The following KLF8 variants were observed in gnomAD, a reference collection of about 807,000 sequenced individuals.
KLF8 encodes the protein KLF transcription factor 8.
KLF8 carries 10 observed loss-of-function variants against 18.2 expected under a neutral mutation model. The ratio of observed to expected loss-of-function variants is 0.55; its 90% CI spans 0.34 to 0.93. The LOEUF (loss-of-function observed/expected upper bound fraction) is 0.93, where lower values mean the gene tolerates loss of function less well. KLF8 is among the 40% of genes least tolerant of loss of function. The pLI, the probability that KLF8 is intolerant of heterozygous loss-of-function variation, is 0.02. For missense variants in KLF8, 264 were observed against 277.9 expected, an observed-to-expected ratio of 0.95 and a Z score of 0.36; for synonymous variants, 109 against 97.3, an observed-to-expected ratio of 1.12 and a Z score of -0.71.
At chrX:55,954,887 T>A in the KLF8 span, among the ~76,000 whole-genome samples, 1 of 111,300 alleles carries the variant, frequency 9.0e-6, no homozygotes, top group Non-Finnish European at 1.9e-5. Context: ...TTATGCTAAG[T>A]GAAAGAAGCT....
intron 5 of KLF8, among the ~76,000 whole-genome samples, chrX:56,275,759 T>A (rs183835588): frequency 9.7e-4 from 109 of 112,599 alleles, no homozygotes; most frequent in African/African-American, 3.4e-3. Flanking sequence ...GACCAAATGG[T>A]TTTTATCTTT....
the KLF8 span, among the ~76,000 whole-genome samples, chrX:56,150,691 T>A: frequency 2.7e-5 from 3 of 110,667 alleles, no homozygotes; most frequent in Non-Finnish European, 5.7e-5. Flanking sequence ...CTCCTATCCC[T>A]GGGCTACTCT....
chrX:56,026,665 T>A, the KLF8 span, among the ~76,000 whole-genome samples: 1 of 112,007 alleles, frequency 8.9e-6, no homozygotes, highest in South Asian at 3.8e-4. Context: ...ACCTTTGCTG[T>A]CTTCTGTACT....
At chrX:55,953,213 C>T in the KLF8 span, among the ~76,000 whole-genome samples, 1 of 111,207 alleles carries the variant, frequency 9.0e-6, no homozygotes, top group African/African-American at 3.3e-5. Context: ...GCAAAGTATT[C>T]AGAGAAACAA....
chrX:56,210,282 G>A, the KLF8 span, among the ~76,000 whole-genome samples: 3 of 110,944 alleles, frequency 2.7e-5, no homozygotes, highest in African/African-American at 6.5e-5. Context: ...TTTTTTCTTC[G>A]TGTCTGAAAG....
intron 2 of KLF8, among the ~76,000 whole-genome samples, chrX:56,252,555 A>G (rs1021439433): frequency 3.6e-5 from 4 of 112,289 alleles, no homozygotes; most frequent in South Asian, 7.4e-4. Flanking sequence ...ACAGGATCTC[A>G]TTCTTTTTAT....
the KLF8 span, among the ~76,000 whole-genome samples, chrX:56,179,057 C>A: frequency 8.9e-6 from 1 of 111,961 alleles, no homozygotes; most frequent in South Asian, 3.8e-4. Flanking sequence ...GGCATTGAAT[C>A]TATAAATTAC....
At chrX:56,050,160 T>G in the KLF8 span, among the ~76,000 whole-genome samples, 1 of 110,840 alleles carries the variant, frequency 9.0e-6, no homozygotes, top group African/African-American at 3.3e-5. Flanking sequence ...TTCTCTCTTT[T>G]CTTCTTTATT....
chrX:56,229,658 T>A (rs1424848774), upstream of KLF8, among the ~76,000 whole-genome samples: 1 of 111,871 alleles, frequency 8.9e-6, no homozygotes, highest in Non-Finnish European at 1.9e-5. Context: ...GGTTTCATAG[T>A]TCCCTGTGAA....
At chrX:55,995,853 G>A in the KLF8 span, among the ~76,000 whole-genome samples, 1 of 110,978 alleles carries the variant, frequency 9.0e-6, no homozygotes, top group Non-Finnish European at 1.9e-5. Flanking sequence ...ATGACTATGA[G>A]TCTTGATGAT....
chrX:55,943,819 G>A, the KLF8 span, among the ~76,000 whole-genome samples: 1 of 112,212 alleles, frequency 8.9e-6, no homozygotes, highest in Non-Finnish European at 1.9e-5. Context: ...GAGAACTCAG[G>A]TGATCTCTGG....
At chrX:55,934,720 G>A in the KLF8 span, among the ~76,000 whole-genome samples, 6 of 112,137 alleles carry the variant, frequency 5.4e-5, no homozygotes, top group East Asian at 2.8e-4. Flanking sequence ...AATGTTATTC[G>A]TGCAAGGGAT....
chrX:56,281,569 C>T lies in KLF8; in HGVS notation c.899-2744C>T, dbSNP rs925687925. On this transcript the variant is annotated intron_variant, in intron 5 of 5. Transcript: ENST00000468660. ...GACTACAGGTGTGCACCATCACACC[C>T]GGCTAATTTTTGTGTTTTTAGTAGA... 5.4e-5 allele frequency among the ~76,000 whole-genome samples: 6 copies of T among 110,825 alleles called. No individual in the cohort carries two copies. In the East Asian group the frequency reaches 8.5e-4, roughly 16 times the overall value.
At chrX:56,173,104 T>C in the KLF8 span, among the ~76,000 whole-genome samples, 6 of 112,005 alleles carry the variant, frequency 5.4e-5, 1 homozygote, top group African/African-American at 1.9e-4. Flanking sequence ...TTGAGTTTAA[T>C]TAGATCCCAT....
At chrX:56,173,991 T>G in the KLF8 span, among the ~76,000 whole-genome samples, 1 of 112,087 alleles carries the variant, frequency 8.9e-6, no homozygotes, top group African/African-American at 3.2e-5. Context: ...TAAGGAGATT[T>G]TGGGCTGAGA....
the KLF8 span, among the ~76,000 whole-genome samples, chrX:56,024,626 A>C: frequency 8.9e-6 from 1 of 112,002 alleles, no homozygotes; most frequent in Non-Finnish European, 1.9e-5. Context: ...TTTTACGTGA[A>C]AGGGCCATGA....
At chrX:55,959,055 A>C in the KLF8 span, among the ~76,000 whole-genome samples, 1 of 112,227 alleles carries the variant, frequency 8.9e-6, no homozygotes, top group Non-Finnish European at 1.9e-5. Flanking sequence ...CCCTGGCCCC[A>C]CCAGTGCAGC....
chrX:56,203,618 G>T, the KLF8 span, among the ~76,000 whole-genome samples: 2 of 112,197 alleles, frequency 1.8e-5, no homozygotes, highest in African/African-American at 6.5e-5. Flanking sequence ...TGAGAGAAAG[G>T]GGTCTGGTTT....
chrX:56,267,226 T>A (rs2066984123), intron 3 of KLF8: 1 of 746,308 alleles, frequency 1.3e-6, no homozygotes, highest in Admixed American at 8.8e-5. Context: ...CCCAATGGTG[T>A]CTGTATTAGT....
Sources: gnomAD v4.1 joint callset for allele counts (sites outside exome capture counted in the v4.1 genomes callset) on GRCh38, gnomAD v4.1.1 for gene constraint, MANE v1.5 for transcripts, NCBI Gene and HGNC (gene_info 2026-07-23, HGNC 2026-07-21) for gene names.